ADGRV1: variants seen among roughly 807,000 people sequenced by gnomAD.
ADGRV1 encodes G-protein coupled receptor 98.
ADGRV1 carries 359 observed loss-of-function variants against 596.2 expected under a neutral mutation model. The observed-to-expected ratio is 0.60, with a 90% CI of 0.55 to 0.66. The LOEUF is 0.66. ADGRV1 is among the 30% of genes least tolerant of loss of function. The pLI is 0.00. For missense variants in ADGRV1, 7,274 were observed against 7,575.6 expected (o/e 0.96, Z 1.48); for synonymous variants, 2,681 against 2,679.2 (o/e 1.00, Z -0.02).
intron 84 of ADGRV1, among the ~76,000 whole-genome samples, chr5:90,972,886 C>A (rs1035635033): frequency 2.7e-5 from 4 of 149,694 alleles, no homozygotes; most frequent in African/African-American, 7.3e-5. Flanking sequence ...ACACAAAAAA[C>A]CCTACAAAAA....
chr5:90,563,165 T>C (rs1299741426), intron 1 of ADGRV1, among the ~76,000 whole-genome samples: 5 of 152,214 alleles, frequency 3.3e-5, no homozygotes, highest in Admixed American at 6.5e-5. Context: ...GACAATGGTA[T>C]AGAAGTGGAG....
chr5:90,883,514 T>G (rs1036196690), intron 83 of ADGRV1, among the ~76,000 whole-genome samples: 7 of 152,198 alleles, frequency 4.6e-5, no homozygotes, highest in Admixed American at 4.6e-4. Flanking sequence ...TGGTCATTCC[T>G]GTGATACATA....
In ADGRV1 at chr5:90,647,969, T is replaced by A. The variant is rs1456556419; in HGVS notation, c.3289+205T>A. Among the ~76,000 whole-genome samples, 3 of 149,944 alleles carry A rather than the reference T, an allele frequency of 2.0e-5. No homozygotes were observed. In the East Asian group the frequency reaches 5.9e-4, roughly 29 times the overall value. ...ATGTACTTGTTGAACCTTTATGACA[T>A]CCTTTTTAACCTTTTCTTTATGATA... On this transcript the variant is annotated intron_variant, in intron 17 of 89. Coordinates refer to ENST00000405460, the MANE Select transcript of ADGRV1 (RefSeq NM_032119.4).
intron 48 of ADGRV1, among the ~76,000 whole-genome samples, chr5:90,726,760 A>G (rs2149802834): frequency 6.6e-6 from 1 of 151,528 alleles, no homozygotes; most frequent in South Asian, 2.1e-4. Flanking sequence ...AGAAAGATTC[A>G]CTTATAGTTC....
intron 83 of ADGRV1, among the ~76,000 whole-genome samples, chr5:90,950,925 A>G (rs1317173097): frequency 2.6e-5 from 4 of 152,114 alleles, no homozygotes; most frequent in Non-Finnish European, 4.4e-5. Flanking sequence ...TAAAAAAACA[A>G]TGATGAATAT....
chr5:90,990,473 A>C (rs72784624), intron 85 of ADGRV1, among the ~76,000 whole-genome samples: 2,738 of 152,284 alleles, frequency 0.018, 30 homozygotes, highest in Non-Finnish European at 0.03. Flanking sequence ...GAAGGCCTTA[A>C]CAATGCACCG....
intron 17 of ADGRV1, among the ~76,000 whole-genome samples, chr5:90,648,848 C>T (rs185482446): frequency 9.2e-5 from 14 of 152,292 alleles, no homozygotes; most frequent in South Asian, 2.1e-4. Flanking sequence ...CAAAAAACAT[C>T]GTCAGATCTT....
chr5:91,130,300 G>T (rs1310681889), intron 87 of ADGRV1, among the ~76,000 whole-genome samples: 1 of 151,310 alleles, frequency 6.6e-6, no homozygotes, highest in African/African-American at 2.4e-5. Context: ...GGGAAGCTGA[G>T]GTGGGTGGAT....
intron 84 of ADGRV1, among the ~76,000 whole-genome samples, chr5:90,976,322 G>GTGTGTATATATATA (rs1420288881): frequency 2.9e-4 from 31 of 108,612 alleles, no homozygotes; most frequent in Admixed American, 6.8e-4. Flanking sequence ...GTGTGTGTGT[G>GTGTGTATATATATA]TATATATATA....
intron 87 of ADGRV1, among the ~76,000 whole-genome samples, chr5:91,149,412 C>G (rs931468339): frequency 1.3e-5 from 2 of 152,162 alleles, no homozygotes; most frequent in Non-Finnish European, 1.5e-5. Flanking sequence ...TGGCATTTCC[C>G]CTCCTTGCAC....
At chr5:90,928,187 AGATT>A (rs927431707) in intron 83 of ADGRV1, among the ~76,000 whole-genome samples, 1 of 152,090 alleles carries the variant, frequency 6.6e-6, no homozygotes, top group Non-Finnish European at 1.5e-5. Context: ...CTGCCTTGCT[AGATT>A]GGGGAAGTTC....
intron 52 of ADGRV1, among the ~76,000 whole-genome samples, chr5:90,749,279 T>A (rs1402887126): frequency 6.6e-6 from 1 of 152,232 alleles, no homozygotes; most frequent in South Asian, 2.1e-4. Flanking sequence ...CAAAATGAGA[T>A]ATAGCAGATA....
intron 83 of ADGRV1, among the ~76,000 whole-genome samples, chr5:90,910,545 T>A (rs1157158683): frequency 6.9e-6 from 1 of 145,112 alleles, no homozygotes; most frequent in East Asian, 2.0e-4. Context: ...GTTTTATATA[T>A]ATATATTATC....
rs765596802 is a variant in ADGRV1, at chr5:90,690,902, A to G, written c.6812A>G (p.Gln2271Arg). 1.2e-6 allele frequency: 2 copies of G among 1,613,830 alleles called. No homozygotes were observed. Among genetic ancestry groups the G allele is most frequent in the Non-Finnish European group, 8.5e-7 (1 of 1,179,808 alleles). The change falls in exon 31 of 90, where the codon CAG becomes CGG. Residue 2271 changes from glutamine to arginine, a missense_variant. By Grantham distance (43) the Gln-to-Arg change is conservative. Transcript: ENST00000405460. ...GGGACACTCGGCAATGTTACTGTTC[A>G]GTGGGTTGCCACCATTAATGGACAG... ...NSGTLGNVTV[Q>R]WVATINGQLA...
chr5:90,711,529 A>G (rs1749349705), intron 41 of ADGRV1, among the ~76,000 whole-genome samples: 1 of 152,190 alleles, frequency 6.6e-6, no homozygotes, highest in Non-Finnish European at 1.5e-5. Flanking sequence ...TTTCATTACT[A>G]TTCTAAATGT....
intron 39 of ADGRV1, among the ~76,000 whole-genome samples, chr5:90,709,220 C>T (rs925856545): frequency 2.6e-5 from 4 of 152,116 alleles, no homozygotes; most frequent in African/African-American, 7.2e-5. Context: ...TAGCTGTTTT[C>T]AGTAGATCTC....
At position 90,757,092 on chromosome 5, in the gene ADGRV1, A is replaced by C. The variant is rs1479700737; in HGVS notation, c.11871A>C (p.Ala3957=). Residue 3957 remains alanine, a synonymous_variant, in exon 57 of 90, where the codon GCA becomes GCC. Transcript: ENST00000405460. ...SFGAVNVYWK[A]SPDSAGLEDF... ...GGGCAGTAAATGTTTATTGGAAAGC[A>C]TCACCAGACAGTGCTGGCCTGGAAG... 1.9e-6 allele frequency: 3 copies of C among 1,613,874 alleles called. No individual in the cohort carries two copies. The African/African-American group carries it at 4.0e-5, about 22-fold the overall frequency.
intron 83 of ADGRV1, among the ~76,000 whole-genome samples, chr5:90,960,094 G>A (rs557476207): frequency 2.4e-4 from 36 of 149,276 alleles, no homozygotes; most frequent in Admixed American, 6.0e-4. Flanking sequence ...AGCCGAGATC[G>A]CGCCACTGCA....
chr5:91,113,527 TC>T (rs1792565070), intron 87 of ADGRV1, among the ~76,000 whole-genome samples: 2 of 151,528 alleles, frequency 1.3e-5, no homozygotes, highest in Admixed American at 1.3e-4. Flanking sequence ...ATTGAGGCCT[TC>T]CTTTACCTCC....
Sources: allele counts gnomAD v4.1 joint callset (sites outside exome capture counted in the v4.1 genomes callset), GRCh38; gene constraint gnomAD v4.1.1; transcripts MANE v1.5; gene names NCBI Gene and HGNC (gene_info 2026-07-23, HGNC 2026-07-21).